The following ZRANB1 variants were observed in gnomAD, a reference collection of about 807,000 sequenced individuals.
ZRANB1 encodes the protein zinc finger RANBP2-type containing 1.
Under a neutral mutation model 80.5 loss-of-function variants are expected in ZRANB1, and 16 were observed. The observed-to-expected ratio is 0.20, with a 90% CI of 0.13 to 0.30. ZRANB1 has a LOEUF of 0.30. Ranked by LOEUF, ZRANB1 falls within the 10% of genes least tolerant of loss-of-function variation. The pLI is 1.00. For synonymous variants in ZRANB1, 291 were observed against 293.1 expected, an observed-to-expected ratio of 0.99 and a Z score of 0.07; for missense variants, 576 against 862.6, an observed-to-expected ratio of 0.67 and a Z score of 4.16.
the ZRANB1 span, among the ~76,000 whole-genome samples, chr10:124,920,451 G>A: frequency 4.6e-5 from 7 of 152,100 alleles, no homozygotes; most frequent in Non-Finnish European, 8.8e-5. Context: ...GCAAAATAAA[G>A]TTCAAGCTTC....
intron 6 of ZRANB1, 134 bp downstream of exon 6, chr10:124,981,963 T>C (rs958084580): frequency 6.2e-6 from 7 of 1,120,672 alleles, no homozygotes; most frequent in Non-Finnish European, 9.0e-6. Context: ...ATCAGTCAAC[T>C]TGGGTTCTAG....
chr10:124,977,977 C>T lies in ZRANB1; in HGVS notation c.1427+3579C>T, dbSNP rs918854826. 5.9e-5 allele frequency among the ~76,000 whole-genome samples: 9 copies of T among 151,990 alleles called. No individual in the cohort carries two copies. In the East Asian group the frequency reaches 7.7e-4, roughly 13 times the overall value. ...CATCACCTCCTCCAGTCCCTGCCAC[C>T]GGGGAGCTTTGCCCGATGGTTTACA... On this transcript the variant is annotated intron_variant, in intron 5 of 8. Transcript: ENST00000359653.
At chr10:124,972,165 T>C in intron 3 of ZRANB1, 47 bp downstream of exon 3, 1 of 1,578,966 alleles carries the variant, frequency 6.3e-7, no homozygotes, top group South Asian at 1.2e-5. Context: ...TTTATTATAG[T>C]TACATTTGTG....
intron 1 of ZRANB1, among the ~76,000 whole-genome samples, chr10:124,956,672 A>G (rs1302817241): frequency 6.6e-6 from 1 of 152,042 alleles, no homozygotes; most frequent in Non-Finnish European, 1.5e-5. Context: ...GGGTTTCACC[A>G]TGTTGGCTAG....
chr10:124,925,156 C>A, the ZRANB1 span, among the ~76,000 whole-genome samples: 60 of 152,236 alleles, frequency 3.9e-4, no homozygotes, highest in African/African-American at 1.2e-3. Flanking sequence ...GTGATCCACC[C>A]GCCTCGGCCT....
chr10:124,971,621 C>A (rs1053183478), intron 2 of ZRANB1, among the ~76,000 whole-genome samples: 1 of 152,172 alleles, frequency 6.6e-6, no homozygotes, highest in Non-Finnish European at 1.5e-5. Context: ...TTATTGTGTG[C>A]ACGATGGTTA....
chr10:124,946,380 T>G (rs933692044), intron 1 of ZRANB1: 2 of 148,372 alleles, frequency 1.3e-5, no homozygotes, highest in South Asian at 4.2e-4. Flanking sequence ...ACTGCACCAT[T>G]GCACTGCAGC....
chr10:124,966,912 A>C, intron 2 of ZRANB1, 131 bp downstream of exon 2: 1 of 824,948 alleles, frequency 1.2e-6, no homozygotes, highest in African/African-American at 1.7e-5. Context: ...CCTTTTAAAA[A>C]TAACATTAAA....
rs1951960621 is a variant in ZRANB1, at chr10:124,983,481, G to C, written c.1701G>C (p.Trp567Cys). The C allele has an allele frequency of 2.5e-6, 4 of 1,611,672 alleles. No homozygotes were observed. Among genetic ancestry groups the C allele is most frequent in the African/African-American group, 2.7e-5 (2 of 74,978 alleles). ...RFQGVYLPLL[W>C]EQSFCWKSPI... ...CAGGTGTTTATCTGCCTTTGTTGTG[G>C]GAACAGAGTTTTTGTTGGAAAAGTC... Residue 567 changes from tryptophan to cysteine, a missense_variant, in exon 8 of 9, where the codon TGG (tryptophan) becomes TGC (cysteine). Transcript: ENST00000359653. The surrounding 1 kb of genome is among the most constrained non-coding windows in gnomAD (Gnocchi z 6.2).
chr10:124,922,244 TTATATATA>T, the ZRANB1 span, among the ~76,000 whole-genome samples: 29 of 119,094 alleles, frequency 2.4e-4, no homozygotes, highest in Non-Finnish European at 4.3e-4. Flanking sequence ...TGAGCCCAAA[TTATATATA>T]TATGTAAAAT....
At position 124,966,690 on chromosome 10, in the gene ZRANB1, A is replaced by G. The variant is rs752576066; in HGVS notation, c.911A>G (p.Asn304Ser). 5.0e-6 allele frequency: 8 copies of G among 1,614,160 alleles called. No homozygotes were observed. Among genetic ancestry groups the G allele is most frequent in the South Asian group, 1.1e-5 (1 of 91,080 alleles). ...ACCGCAGATGAAGTACGCTTGCTGA[A>G]TCGTCCTTCTGCCTTTGATGTTGGC... is the stretch of plus-strand genomic sequence containing the variant. ...QLTADEVRLL[N>S]RPSAFDVGYT... Residue 304 changes from asparagine to serine, a missense_variant, in exon 2 of 9, where the codon AAT becomes AGT. Physicochemically the swap from Asn to Ser is conservative, Grantham distance 46. Coordinates refer to ENST00000359653, the MANE Select transcript of ZRANB1 (RefSeq NM_017580.3).
In ZRANB1 at chr10:124,986,289, G is replaced by GCACACACACACACACA. The variant is rs1348841236; in HGVS notation, c.*1298_*1299insACACACACACACACAC. The GCACACACACACACACA allele has an allele frequency of 9.2e-5, 10 of 108,358 alleles. No individual in the cohort carries two copies. The highest frequency in any genetic ancestry group is 2.9e-4 in the African/African-American group (8 of 27,546). The allele number at this position is 108,358 out of a possible 1,614,324, so 6.7% of individuals were successfully genotyped here. A position where few individuals can be genotyped will look rare whatever the true frequency, so the allele number is the denominator to read the frequency against. ...AAAGACGACACACGCACGCGCGCGC[G>GCACACACACACACACA]CGCACACACACACACACACACACAC... On this transcript the variant is annotated 3_prime_UTR_variant, in exon 9 of 9. Transcript: ENST00000359653.
chr10:124,930,415 A>G, the ZRANB1 span, among the ~76,000 whole-genome samples: 4 of 152,220 alleles, frequency 2.6e-5, no homozygotes, highest in African/African-American at 9.6e-5. Flanking sequence ...ATAGGTACCC[A>G]CCACCATATC....
At chr10:124,964,271 T>C (rs1355835985) in intron 1 of ZRANB1, among the ~76,000 whole-genome samples, 3 of 152,216 alleles carry the variant, frequency 2.0e-5, no homozygotes, top group African/African-American at 7.2e-5. Context: ...TTGTACATTA[T>C]AGTTCCAAAG....
the ZRANB1 span, among the ~76,000 whole-genome samples, chr10:124,919,133 T>A: frequency 1.3e-5 from 2 of 152,226 alleles, no homozygotes; most frequent in Admixed American, 6.5e-5. Flanking sequence ...AACATAGTTT[T>A]GGAACTCATG....
Position 124,985,947 on chromosome 10 carries a change from G to A in ZRANB1, c.*955G>A, listed in dbSNP as rs539146743. ...AATCTTGTTAGAAGGGCATGCCTTT[G>A]CTTAGGCAGATTGGGAATACCAATT... On this transcript the variant is annotated 3_prime_UTR_variant, in exon 9 of 9. Coordinates refer to ENST00000359653, the MANE Select transcript of ZRANB1 (RefSeq NM_017580.3). The A allele has an allele frequency of 6.6e-6, 1 of 152,336 alleles. No individual in the cohort carries two copies. The highest frequency in any genetic ancestry group is 2.1e-4 in the South Asian group (1 of 4,832). 9.4% of individuals were successfully genotyped at this position (152,336 alleles called of 1,614,324 possible). A position where few individuals can be genotyped will look rare whatever the true frequency, so the allele number is the denominator to read the frequency against.
At chr10:124,918,516 A>G in the ZRANB1 span, among the ~76,000 whole-genome samples, 3 of 152,196 alleles carry the variant, frequency 2.0e-5, no homozygotes, top group Non-Finnish European at 2.9e-5. Flanking sequence ...TCTGGGACCT[A>G]TTATATAATG....
chr10:124,983,752 C>A lies in ZRANB1; in HGVS notation c.1908+64C>A. The A allele has an allele frequency of 2.3e-6, 3 of 1,277,396 alleles. No homozygotes were observed. The highest frequency in any genetic ancestry group is 3.3e-6 in the Non-Finnish European group (3 of 916,708). The allele number at this position is 1,277,396 out of a possible 1,614,324, so 79.1% of individuals were successfully genotyped here. On this transcript the variant is annotated intron_variant, in intron 8 of 8. Coordinates refer to ENST00000359653, the MANE Select transcript of ZRANB1 (RefSeq NM_017580.3). The surrounding 1 kb of genome is among the most constrained non-coding windows in gnomAD (Gnocchi z 6.2). ...CTTGTACCAGAAACAGCCTGAAGTG[C>A]CTTTCAGGTGTGGTTTTATCTGCAC...
chr10:124,966,155 T>G (rs1564962927), intron 1 of ZRANB1, among the ~76,000 whole-genome samples: 1 of 152,142 alleles, frequency 6.6e-6, no homozygotes, highest in Non-Finnish European at 1.5e-5. Context: ...TGATTCTGCT[T>G]TAAGAATGCA....
Sources: gnomAD v4.1 joint callset for allele counts (sites outside exome capture counted in the v4.1 genomes callset) on GRCh38, gnomAD v4.1.1 for gene constraint, Gnocchi (gnomAD v3.1) non-coding constraint, MANE v1.5 for transcripts, NCBI Gene and HGNC (gene_info 2026-07-23, HGNC 2026-07-21) for gene names.